Variants in ELMO1 observed in about 807,000 individuals in gnomAD.
The protein encoded by ELMO1 is engulfment and cell motility protein 1.
ELMO1 carries 26 observed loss-of-function variants against 98.9 expected under a neutral mutation model. The observed-to-expected ratio is 0.26, with a 90% confidence interval of 0.19 to 0.36. The LOEUF (loss-of-function observed/expected upper bound fraction) is 0.36. ELMO1 is among the 10% of genes least tolerant of loss of function. The probability of loss-of-function intolerance (pLI) is 1.00; values close to 1 mark genes in which losing one functional copy is unlikely to be tolerated. For synonymous variants in ELMO1, 346 were observed against 346.0 expected (o/e 1.00, Z 0.00); for missense variants, 627 against 935.2 (o/e 0.67, Z 4.30).
chr7:37,105,081 A>G (rs745802073), intron 14 of ELMO1, among the ~76,000 whole-genome samples: 9 of 152,246 alleles, frequency 5.9e-5, no homozygotes, highest in Non-Finnish European at 5.9e-5. Flanking sequence ...CCTCAAATTG[A>G]ACATTAATCA....
intron 1 of ELMO1, among the ~76,000 whole-genome samples, chr7:37,365,415 A>G (rs1326337376): frequency 6.6e-6 from 1 of 152,198 alleles, no homozygotes; most frequent in Non-Finnish European, 1.5e-5. Context: ...GGCCAACACC[A>G]AAGTCACTGC....
At chr7:37,153,613 G>A (rs1321925650) in intron 13 of ELMO1, among the ~76,000 whole-genome samples, 4 of 152,146 alleles carry the variant, frequency 2.6e-5, no homozygotes, top group Non-Finnish European at 5.9e-5. Flanking sequence ...GGCTTGAGTA[G>A]GCGGTTCTAT....
In ELMO1 at chr7:37,253,675, T is replaced by C. The variant is rs1266077052; in HGVS notation, c.413+5506A>G. 2.7e-5 allele frequency among the ~76,000 whole-genome samples: 4 copies of C among 149,402 alleles called. 1 individual carries two copies. In the East Asian group the frequency reaches 7.9e-4, roughly 29 times the overall value. ...AACCACCATGGCATGTGTATACCTA[T>C]GTAGCAAACCTGCACGTTCTGCACA... On this transcript the variant is annotated intron_variant, in intron 6 of 21. Transcript: ENST00000310758.
intron 4 of ELMO1, among the ~76,000 whole-genome samples, chr7:37,273,684 G>A (rs984293676): frequency 5.3e-5 from 8 of 152,252 alleles, no homozygotes; most frequent in East Asian, 1.9e-4. Flanking sequence ...AGGACTCACC[G>A]TGGTCGCATG....
intron 1 of ELMO1, among the ~76,000 whole-genome samples, chr7:37,389,836 A>G (rs1802990016): frequency 6.6e-6 from 1 of 152,104 alleles, no homozygotes; most frequent in African/African-American, 2.4e-5. Flanking sequence ...ATTCTTACTA[A>G]TTCTCCAGCA....
chr7:36,965,407 C>A (rs1016192026), intron 16 of ELMO1, among the ~76,000 whole-genome samples: 4 of 152,124 alleles, frequency 2.6e-5, no homozygotes, highest in African/African-American at 9.7e-5. Flanking sequence ...ACAGAAGAAA[C>A]CTTATCCTTT....
At chr7:37,188,098 T>G (rs1485757253) in intron 13 of ELMO1, among the ~76,000 whole-genome samples, 1 of 151,890 alleles carries the variant, frequency 6.6e-6, no homozygotes, top group African/African-American at 2.4e-5. Context: ...TTTACCGCGG[T>G]TCAGAAATTA....
chr7:36,880,201 A>G (rs1430607878), intron 18 of ELMO1, among the ~76,000 whole-genome samples: 2 of 152,246 alleles, frequency 1.3e-5, no homozygotes, highest in African/African-American at 4.8e-5. Flanking sequence ...GAAGGAAGAC[A>G]GTGAGAAGTG....
Position 37,120,087 on chromosome 7 carries a change from G to A in ELMO1, c.1191+13043C>T, listed in dbSNP as rs191054762. On this transcript the variant is annotated intron_variant, in intron 14 of 21. Transcript: ENST00000310758. ...CTCAAGATTATACAAATTCCGTTGG[G>A]TAACAGCTTTGTTGAGTAGGATTTT... 1.6e-4 allele frequency among the ~76,000 whole-genome samples: 24 copies of A among 152,310 alleles called. 1 individual carries two copies. Among genetic ancestry groups the A allele is most frequent in the African/African-American group, 5.8e-4 (24 of 41,570 alleles).
intron 15 of ELMO1, among the ~76,000 whole-genome samples, chr7:37,086,191 C>T (rs1783761117): frequency 6.6e-6 from 1 of 152,250 alleles, no homozygotes; most frequent in Non-Finnish European, 1.5e-5. Context: ...GGCAGGGCTC[C>T]AGCACCTTTT....
chr7:36,891,288 C>T lies in ELMO1; in HGVS notation c.1601+3566G>A, dbSNP rs542859426. ...CCAACACATAGAATAGTGTCTGGCA[C>T]GTGGCAGGCACTCATTAGATATTTG... On this transcript the variant is annotated intron_variant, in intron 17 of 21. Transcript: ENST00000310758. 2.0e-4 allele frequency among the ~76,000 whole-genome samples: 31 copies of T among 152,290 alleles called. 1 individual carries two copies. In the East Asian group the frequency reaches 3.7e-3, roughly 18 times the overall value.
At chr7:37,440,768 CAA>C (rs11440673) in intron 1 of ELMO1, among the ~76,000 whole-genome samples, 3 of 129,944 alleles carry the variant, frequency 2.3e-5, no homozygotes, top group Admixed American at 7.8e-5. Context: ...GACTCCATCT[CAA>C]AAAAAAAAAA....
chr7:37,134,312 C>T (rs181386921), intron 13 of ELMO1, among the ~76,000 whole-genome samples: 576 of 152,196 alleles, frequency 3.8e-3, no homozygotes, highest in Middle Eastern at 6.8e-3. Context: ...GTAGCTCATG[C>T]CTGTAGTCCA....
intron 1 of ELMO1, among the ~76,000 whole-genome samples, chr7:37,440,087 T>G (rs28597682): frequency 0.099 from 15,005 of 151,990 alleles, 959 homozygotes; most frequent in East Asian, 0.26. Flanking sequence ...CCAAAATTTC[T>G]GAGTAGTGGT....
chr7:37,172,872 T>C (rs1790264356), intron 13 of ELMO1, among the ~76,000 whole-genome samples: 1 of 152,348 alleles, frequency 6.6e-6, no homozygotes, highest in South Asian at 2.1e-4. Flanking sequence ...ACTATTTTCA[T>C]TGAGTCCAAA....
intron 7 of ELMO1, among the ~76,000 whole-genome samples, chr7:37,234,740 T>C (rs1335460615): frequency 6.6e-6 from 1 of 152,108 alleles, no homozygotes; most frequent in African/African-American, 2.4e-5. Context: ...TTTGGAGAAA[T>C]GAAAACAAGC....
intron 15 of ELMO1, among the ~76,000 whole-genome samples, chr7:37,041,812 G>A (rs34429167): frequency 0.036 from 5,430 of 152,146 alleles, 115 homozygotes; most frequent in Middle Eastern, 0.078. Context: ...GCCCTGCGAC[G>A]GCACCCTTTC....
At chr7:37,161,932 AT>A (rs1427448452) in intron 13 of ELMO1, among the ~76,000 whole-genome samples, 1 of 114,368 alleles carries the variant, frequency 8.7e-6, no homozygotes, top group East Asian at 2.8e-4. Context: ...ATATATATAT[AT>A]ATGTTAAGCG....
At chr7:37,233,849 G>A (rs1404422088) in intron 7 of ELMO1, among the ~76,000 whole-genome samples, 1 of 152,112 alleles carries the variant, frequency 6.6e-6, no homozygotes, top group Non-Finnish European at 1.5e-5. Context: ...CTGGCATATC[G>A]ATGGAGATAA....
Sources: gnomAD v4.1 joint callset for allele counts (sites outside exome capture counted in the v4.1 genomes callset) on GRCh38, gnomAD v4.1.1 for gene constraint, MANE v1.5 for transcripts, NCBI Gene and HGNC (gene_info 2026-07-23, HGNC 2026-07-21) for gene names.